The following THSD7B variants were observed in gnomAD, a reference collection of about 807,000 sequenced individuals.
The protein encoded by THSD7B is thrombospondin type-1 domain-containing protein 7B.
Under a neutral mutation model 213.6 loss-of-function variants are expected in THSD7B, and 138 were observed. The ratio of observed to expected loss-of-function variants is 0.65; its 90% CI spans 0.56 to 0.74. The LOEUF is 0.74. Among genes scored for constraint, THSD7B ranks in the 30% least tolerant of loss-of-function variants. The probability of loss-of-function intolerance (pLI) is 0.00; values close to 1 mark genes in which losing one functional copy is unlikely to be tolerated. For missense variants in THSD7B, 1,931 were observed against 1,991.5 expected, an observed-to-expected ratio of 0.97 and a Z score of 0.58; for synonymous variants, 742 against 687.0, an observed-to-expected ratio of 1.08 and a Z score of -1.25.
intron 4 of THSD7B, among the ~76,000 whole-genome samples, chr2:137,107,582 T>C (rs1236904448): frequency 6.6e-6 from 1 of 152,232 alleles, no homozygotes; most frequent in Non-Finnish European, 1.5e-5. Flanking sequence ...CTCCAGGTAC[T>C]GTTTTAGAAA....
intron 4 of THSD7B, among the ~76,000 whole-genome samples, chr2:137,098,833 T>C (rs1688089077): frequency 6.6e-6 from 1 of 152,152 alleles, no homozygotes; most frequent in Admixed American, 6.6e-5. Flanking sequence ...CAGGAGATCA[T>C]TCGGGAAGCA....
At chr2:137,299,384 C>G (rs1683545464) in intron 12 of THSD7B, among the ~76,000 whole-genome samples, 1 of 152,022 alleles carries the variant, frequency 6.6e-6, no homozygotes, top group Non-Finnish European at 1.5e-5. Flanking sequence ...AGACTTTGGA[C>G]TATGGACTTT....
intron 11 of THSD7B, 116 bp downstream of exon 11, chr2:137,272,778 C>T (rs1462523957): frequency 9.1e-7 from 1 of 1,101,814 alleles, no homozygotes; most frequent in Non-Finnish European, 1.3e-6. Flanking sequence ...CTGACATTTA[C>T]ATATCTTCAA....
At chr2:137,642,387 T>A (rs1682956143) in intron 20 of THSD7B, 101 bp from the exon 21 acceptor site, 1 of 1,387,160 alleles carries the variant, frequency 7.2e-7, no homozygotes, top group Non-Finnish European at 9.8e-7. Context: ...GAGTTCAGTC[T>A]ATTAAAATGA....
At chr2:137,557,259 A>G (rs7559285) in intron 15 of THSD7B, among the ~76,000 whole-genome samples, 88,277 of 151,760 alleles carry the variant, frequency 0.58, 26,898 homozygotes, top group African/African-American at 0.77. Context: ...GAACCACACC[A>G]CACCTATTCC....
In THSD7B at chr2:137,061,862, C is replaced by T. The variant is rs568495121; in HGVS notation, c.950+4632C>T. Among the ~76,000 whole-genome samples, 6 of 151,858 alleles carry T rather than the reference C, an allele frequency of 4.0e-5. No homozygotes were observed. In the South Asian group the frequency reaches 1.2e-3, roughly 31 times the overall value. Reference sequence around the variant, plus strand: ...TTGTTGTGATGTTAGGGTAATGCTGCCCTCTTCGAATGAATTGGAAAGTAT... The same window carrying T: ...TTGTTGTGATGTTAGGGTAATGCTGTCCTCTTCGAATGAATTGGAAAGTAT... On this transcript the variant is annotated intron_variant, in intron 3 of 27. Coordinates refer to ENST00000409968, the MANE Select transcript of THSD7B (RefSeq NM_001316349.2).
chr2:137,577,660 T>C (rs1476287228), intron 17 of THSD7B, among the ~76,000 whole-genome samples: 1 of 152,154 alleles, frequency 6.6e-6, no homozygotes, highest in Non-Finnish European at 1.5e-5. Flanking sequence ...CCACTTCTCT[T>C]TCCTTTTCTT....
chr2:136,839,010 T>C (rs1489003045), intron 1 of THSD7B, among the ~76,000 whole-genome samples: 5 of 152,204 alleles, frequency 3.3e-5, no homozygotes, highest in African/African-American at 9.6e-5. Context: ...TGGACATTTA[T>C]AGTTCAAGTG....
At chr2:136,923,729 G>GAGGTGTTATCTC (rs1684475288) in intron 2 of THSD7B, among the ~76,000 whole-genome samples, 1 of 152,076 alleles carries the variant, frequency 6.6e-6, no homozygotes, top group Non-Finnish European at 1.5e-5. Flanking sequence ...GTTTTCCTGT[G>GAGGTGTTATCTC]TTTGTTGGCT....
chr2:137,157,645 A>G (rs1406656204), intron 5 of THSD7B, among the ~76,000 whole-genome samples: 2 of 152,202 alleles, frequency 1.3e-5, no homozygotes, highest in African/African-American at 4.8e-5. Context: ...GGTTAAGAAG[A>G]CAAACTCAGA....
chr2:136,794,334 A>G (rs1317590509), intron 1 of THSD7B, among the ~76,000 whole-genome samples: 1 of 151,822 alleles, frequency 6.6e-6, no homozygotes, highest in Non-Finnish European at 1.5e-5. Context: ...TCTAATATAT[A>G]CATGTAAAGC....
intron 7 of THSD7B, among the ~76,000 whole-genome samples, chr2:137,180,531 A>G (rs776602774): frequency 6.6e-6 from 1 of 152,168 alleles, no homozygotes; most frequent in South Asian, 2.1e-4. Flanking sequence ...AGTATCTGGT[A>G]TATTAAGGTA....
At position 137,190,125 on chromosome 2, in the gene THSD7B, A is replaced by G. The variant is rs529435127; in HGVS notation, c.1723+19187A>G. Among the ~76,000 whole-genome samples the G allele has an allele frequency of 3.3e-5, 5 of 152,268 alleles. No individual in the cohort carries two copies. In the South Asian group the frequency reaches 1.0e-3, roughly 32 times the overall value. On this transcript the variant is annotated intron_variant, in intron 7 of 27. Coordinates refer to ENST00000409968, the MANE Select transcript of THSD7B (RefSeq NM_001316349.2). ...TAAGGCTTGGAAGGTCTAGATCACT[A>G]TGTAGGCTTCCGCTGGATGTGACTA...
intron 2 of THSD7B, among the ~76,000 whole-genome samples, chr2:136,955,547 A>C (rs1685109566): frequency 1.3e-5 from 2 of 152,156 alleles, no homozygotes; most frequent in African/African-American, 4.8e-5. Context: ...AGTTCTTTTA[A>C]ATTTGTAGTT....
In THSD7B at chr2:137,028,382, T is replaced by C. The variant is rs535286539; in HGVS notation, c.140-28038T>C. ...ATAAAATTTCATAGGAAATATAAAT[T>C]ATTGACAGGCTTATCAACAATATCA... On this transcript the variant is annotated intron_variant, in intron 2 of 27. Transcript: ENST00000409968. 8.8e-4 allele frequency among the ~76,000 whole-genome samples: 134 copies of C among 152,320 alleles called. 1 individual carries two copies. The highest frequency in any genetic ancestry group is 1.4e-3 in the Non-Finnish European group (95 of 68,024).
chr2:137,133,047 C>T (rs1469373368), intron 5 of THSD7B, among the ~76,000 whole-genome samples: 1 of 152,158 alleles, frequency 6.6e-6, no homozygotes, highest in Non-Finnish European at 1.5e-5. Context: ...GAACTCTAAT[C>T]ATCTTATAAT....
At chr2:137,534,873 T>G (rs999146249) in intron 15 of THSD7B, among the ~76,000 whole-genome samples, 5 of 151,824 alleles carry the variant, frequency 3.3e-5, no homozygotes, top group South Asian at 4.1e-4. Flanking sequence ...ATTCACATCA[T>G]GCTCTTGTTT....
intron 2 of THSD7B, among the ~76,000 whole-genome samples, chr2:136,899,642 G>A (rs974125158): frequency 6.6e-5 from 10 of 152,136 alleles, no homozygotes; most frequent in African/African-American, 2.4e-4. Flanking sequence ...TGTTGTAAGT[G>A]GGGTTCCTAA....
rs777273217 is a variant in THSD7B, at chr2:137,663,495, A to C, written c.4571A>C (p.Asn1524Thr). 1.2e-5 allele frequency: 20 copies of C among 1,605,440 alleles called. No individual in the cohort carries two copies. In the African/African-American group the frequency reaches 2.4e-4, roughly 19 times the overall value. The change falls in exon 26 of 28, where the codon AAC becomes ACC. Residue 1524 changes from asparagine (N) to threonine (T), a missense_variant. Asn to Thr is a moderately conservative substitution (Grantham distance 65, BLOSUM62 0). Coordinates refer to ENST00000409968, the MANE Select transcript of THSD7B (RefSeq NM_001316349.2). ...GSEDKKADVK[N>T]LSGKNRPVNS... ...GAGGATAAAAAAGCTGATGTGAAAA[A>C]CCTTTCTGGGAAAAACAGACCTGTG...
Sources: gnomAD v4.1 joint callset for allele counts (sites outside exome capture counted in the v4.1 genomes callset) on GRCh38, gnomAD v4.1.1 for gene constraint, MANE v1.5 for transcripts, NCBI Gene and HGNC (gene_info 2026-07-23, HGNC 2026-07-21) for gene names.